EPN2: variants seen among roughly 807,000 people sequenced by gnomAD.
The protein encoded by EPN2 is epsin 2.
A neutral mutation model predicts 61.7 loss-of-function variants in EPN2; 34 were observed. The observed-to-expected ratio is 0.55, with a 90% CI of 0.42 to 0.73. EPN2 has a LOEUF of 0.73. EPN2 is among the 30% of genes least tolerant of loss of function. The pLI is 0.00. For synonymous variants in EPN2, 349 were observed against 353.6 expected, an observed-to-expected ratio of 0.99 and a Z score of 0.15; for missense variants, 714 against 839.2, an observed-to-expected ratio of 0.85 and a Z score of 1.84.
chr17:19,314,792 G>T (rs1229024736), intron 7 of EPN2, among the ~76,000 whole-genome samples: 1 of 152,246 alleles, frequency 6.6e-6, no homozygotes, highest in Non-Finnish European at 1.5e-5. Context: ...TACCCCCAGG[G>T]AGCCTGTGGT....
chr17:19,277,709 G>A (rs761095185), intron 1 of EPN2, among the ~76,000 whole-genome samples: 2 of 152,142 alleles, frequency 1.3e-5, no homozygotes, highest in Non-Finnish European at 2.9e-5. Context: ...GCTGTCTCAC[G>A]GTTGGAATAA....
intron 4 of EPN2, among the ~76,000 whole-genome samples, chr17:19,297,983 C>T (rs891200789): frequency 6.6e-6 from 1 of 152,140 alleles, no homozygotes; most frequent in African/African-American, 2.4e-5. Context: ...TCAAGCGATT[C>T]TTTTGCCCCA....
chr17:19,273,550 G>C (rs899684690), intron 1 of EPN2, among the ~76,000 whole-genome samples: 7 of 151,942 alleles, frequency 4.6e-5, no homozygotes, highest in Admixed American at 2.6e-4. Context: ...CATTTTTATA[G>C]ACAGGGTCTT....
intron 1 of EPN2, among the ~76,000 whole-genome samples, chr17:19,263,992 A>G (rs2045170625): frequency 6.6e-6 from 1 of 152,304 alleles, no homozygotes; most frequent in African/African-American, 2.4e-5. Flanking sequence ...CTCTCGGCAC[A>G]AGTTTCTAAA....
chr17:19,284,629 A>G (rs941453457), intron 3 of EPN2, among the ~76,000 whole-genome samples: 1 of 152,260 alleles, frequency 6.6e-6, no homozygotes, highest in Non-Finnish European at 1.5e-5. Flanking sequence ...TCAGCATAGC[A>G]GAAAACTTCT....
chr17:19,292,065 A>G (rs974462021), intron 4 of EPN2, among the ~76,000 whole-genome samples: 1 of 152,226 alleles, frequency 6.6e-6, no homozygotes, highest in African/African-American at 2.4e-5. Context: ...TTGAAAACTC[A>G]AAGATGTGGG....
intron 1 of EPN2, among the ~76,000 whole-genome samples, chr17:19,277,998 T>C (rs938665205): frequency 6.8e-6 from 1 of 146,024 alleles, no homozygotes; most frequent in Non-Finnish European, 1.5e-5. Context: ...GGTGTGAACC[T>C]GGGAGGCGGA....
At chr17:19,266,173 C>T (rs1025812725) in intron 1 of EPN2, among the ~76,000 whole-genome samples, 4 of 152,154 alleles carry the variant, frequency 2.6e-5, no homozygotes. Flanking sequence ...ACCTTAGTAG[C>T]TTTGCCTTCC....
rs767880332 is a variant in EPN2, at chr17:19,283,628, G to A, written c.509G>A (p.Arg170Gln). ...GGCAGCAACCAGATCACCTTTGGGC[G>A]AGGCTCCAGCCAGCCCAACCTCTCC... ...GMGSNQITFG[R>Q]GSSQPNLSTS... Residue 170 changes from arginine to glutamine, a missense_variant, in exon 3 of 11, where the codon CGA becomes CAA. By Grantham distance (43) the Arg-to-Gln change is conservative. Coordinates refer to ENST00000314728, the MANE Select transcript of EPN2 (RefSeq NM_014964.5). The surrounding 1 kb of genome is among the most constrained non-coding windows in gnomAD (Gnocchi z 7.0). 5 of 1,613,984 alleles carry A rather than the reference G, an allele frequency of 3.1e-6. No homozygotes were observed. The highest frequency in any genetic ancestry group is 4.2e-6 in the Non-Finnish European group (5 of 1,180,022).
At chr17:19,331,068 T>A (rs917122991) in intron 9 of EPN2, among the ~76,000 whole-genome samples, 2 of 152,214 alleles carry the variant, frequency 1.3e-5, no homozygotes, top group Non-Finnish European at 2.9e-5. Context: ...GTCCTGCCCC[T>A]TGCCTCAACT....
intron 5 of EPN2, 140 bp from the exon 6 acceptor site, chr17:19,311,912 A>G: frequency 2.9e-6 from 2 of 687,798 alleles, no homozygotes; most frequent in Non-Finnish European, 5.2e-6. Flanking sequence ...ATTTGAAAGT[A>G]ATTGTGTTTT....
At chr17:19,248,688 T>G (rs1384906200) in intron 1 of EPN2, among the ~76,000 whole-genome samples, 2 of 152,208 alleles carry the variant, frequency 1.3e-5, no homozygotes, top group Non-Finnish European at 1.5e-5. Context: ...ATTGAGCACA[T>G]ATGTATTATG....
At chr17:19,274,866 A>T (rs1567850616) in intron 1 of EPN2, among the ~76,000 whole-genome samples, 1 of 151,560 alleles carries the variant, frequency 6.6e-6, no homozygotes. Flanking sequence ...AGCCTTGGAA[A>T]TTTTTTTTTC....
At chr17:19,243,677 G>A (rs1227867737) in intron 1 of EPN2, among the ~76,000 whole-genome samples, 1 of 152,102 alleles carries the variant, frequency 6.6e-6, no homozygotes, top group Non-Finnish European at 1.5e-5. Flanking sequence ...ACAGGCATGA[G>A]CCACTGCGCC....
chr17:19,329,979 G>T (rs959457122), intron 9 of EPN2, among the ~76,000 whole-genome samples: 4 of 152,186 alleles, frequency 2.6e-5, no homozygotes, highest in African/African-American at 7.2e-5. Flanking sequence ...CCACTCCTCA[G>T]AGGGCCTCCT....
Position 19,283,323 on chromosome 17 carries a change from C to A in EPN2, c.204C>A (p.Gly68=). 6.2e-7 allele frequency: 1 copy of A among 1,614,086 alleles called. No homozygotes were observed. The highest frequency in any genetic ancestry group is 8.5e-7 in the Non-Finnish European group (1 of 1,179,990). ...SMVWKRLNDH[G]KNWRHVYKAL... ...TGTGGAAGCGGCTGAATGACCATGG[C>A]AAGAACTGGCGGCATGTGTACAAGG... is the stretch of plus-strand genomic sequence containing the variant. Residue 68 remains glycine, a synonymous_variant, in exon 3 of 11, where the codon GGC becomes GGA. Coordinates refer to ENST00000314728, the MANE Select transcript of EPN2 (RefSeq NM_014964.5). The surrounding 1 kb of genome is among the most constrained non-coding windows in gnomAD (Gnocchi z 7.0).
At chr17:19,316,804 G>C (rs554760398) in intron 7 of EPN2, among the ~76,000 whole-genome samples, 5 of 152,258 alleles carry the variant, frequency 3.3e-5, no homozygotes, top group Admixed American at 3.3e-4. Context: ...TGCAGTTCTG[G>C]CACTCTGCTT....
Position 19,285,575 on chromosome 17 carries a change from A to G in EPN2, c.596-45A>G. 2 of 1,456,464 alleles carry G rather than the reference A, an allele frequency of 1.4e-6. No individual in the cohort carries two copies. The highest frequency in any genetic ancestry group is 1.4e-5 in the South Asian group (1 of 70,416). 90.2% of individuals were successfully genotyped at this position (1,456,464 alleles called of 1,614,324 possible). On this transcript the variant is annotated intron_variant, in intron 3 of 10. Coordinates refer to ENST00000314728, the MANE Select transcript of EPN2 (RefSeq NM_014964.5). The surrounding 1 kb of genome is among the most constrained non-coding windows in gnomAD (Gnocchi z 4.5). ...CTGCAGGGGCTGCTGCGCACCCTCT[A>G]ATGGCGTGTCTCTCTGTGTGTGTGT...
intron 1 of EPN2, among the ~76,000 whole-genome samples, chr17:19,258,643 T>A (rs556779976): frequency 2.0e-5 from 3 of 152,182 alleles, no homozygotes; most frequent in Non-Finnish European, 4.4e-5. Context: ...TAACTGTGAT[T>A]TAACCTAGAG....
Sources: allele counts gnomAD v4.1 joint callset (sites outside exome capture counted in the v4.1 genomes callset), GRCh38; gene constraint gnomAD v4.1.1; non-coding constraint Gnocchi (gnomAD v3.1); transcripts MANE v1.5; gene names NCBI Gene and HGNC (gene_info 2026-07-23, HGNC 2026-07-21).